Variants in MLH3 observed in about 807,000 individuals in gnomAD.
The protein encoded by MLH3 is mutL homolog 3.
A neutral mutation model predicts 122.2 loss-of-function variants in MLH3; 82 were observed. The ratio of observed to expected loss-of-function variants is 0.67; its 90% CI spans 0.56 to 0.81. The LOEUF is 0.81. Ranked by LOEUF, MLH3 falls within the 30% of genes least tolerant of loss-of-function variation. MLH3 has a pLI of 0.00. For synonymous variants in MLH3, 524 were observed against 599.5 expected (o/e 0.87, Z 1.84); for missense variants, 1,539 against 1,714.5 (o/e 0.90, Z 1.81).
Position 75,046,551 on chromosome 14 carries a change from T to C in MLH3, c.3105A>G (p.Glu1035=). ...AATCTGAACAACACGTGTTTGACTC[T>C]TCAGTTTCAGAACAAGCTCTTGCTT... is the stretch of plus-strand genomic sequence containing the variant. The part of the protein sequence containing the change: ...ESKARACSET[E]ESNTCCSDWQ... Residue 1035 remains glutamate (E), a synonymous_variant, in exon 2 of 13, where the codon GAA becomes GAG. Transcript: ENST00000355774. The C allele has an allele frequency of 6.2e-7, 1 of 1,614,210 alleles. No individual in the cohort carries two copies.
rs1892287435 is a variant in MLH3, at chr14:75,047,060, G to C, written c.2596C>G (p.Leu866Val). Residue 866 changes from leucine to valine, a missense_variant, in exon 2 of 13, where the codon CTT becomes GTT. Coordinates refer to ENST00000355774, the MANE Select transcript of MLH3 (RefSeq NM_001040108.2). ...GCTAGTGATTCAGATGACTTCTCAA[G>C]GTCCAAAGGTTTTCTATTAAAGAGA... ...LSLFNRKPLD[L>V]EKSSESLASK... is the part of the protein sequence containing the mutation. 1.2e-6 allele frequency: 2 copies of C among 1,613,982 alleles called. No individual in the cohort carries two copies. The highest frequency in any genetic ancestry group is 3.3e-5 in the Admixed American group (2 of 60,004).
intron 6 of MLH3, among the ~76,000 whole-genome samples, chr14:75,037,293 C>T (rs1891484711): frequency 6.6e-6 from 1 of 152,204 alleles, no homozygotes; most frequent in South Asian, 2.1e-4. Context: ...TCCCTGAACT[C>T]CCTGATGAAA....
At position 75,032,105 on chromosome 14, in the gene MLH3, C is replaced by G; in HGVS notation, c.3790G>C (p.Glu1264Gln). ...CTTTGTTCCTCTGTCACTGTTATCT[C>G]TAGCGGAGGAATTAGAGTAGAAGAC... is the stretch of plus-strand genomic sequence containing the variant. ...LLSSTLIPPL[E>Q]ITVTEEQRRL... Residue 1264 changes from glutamate to glutamine, a missense_variant, in exon 8 of 13, where the codon GAG becomes CAG. Glu to Gln is a conservative substitution (Grantham distance 29). Coordinates refer to ENST00000355774, the MANE Select transcript of MLH3 (RefSeq NM_001040108.2). 1 of 1,613,696 alleles carries G rather than the reference C, an allele frequency of 6.2e-7. No individual in the cohort carries two copies. The highest frequency in any genetic ancestry group is 8.5e-7 in the Non-Finnish European group (1 of 1,179,586).
intron 6 of MLH3, among the ~76,000 whole-genome samples, chr14:75,034,164 G>GC (rs1891232588): frequency 6.8e-6 from 1 of 147,618 alleles, no homozygotes; most frequent in South Asian, 2.1e-4. Flanking sequence ...CTGCACTCCA[G>GC]CCTGGTGACA....
rs1274927611 is a variant in MLH3 at position 75,040,009 on chromosome 14, C to T, written c.3472G>A (p.Val1158Ile). The change falls in exon 5 of 13, where the codon GTT (valine) becomes ATT (isoleucine). Residue 1158 changes from valine (V) to isoleucine (I), a missense_variant. Val to Ile is a conservative substitution (Grantham distance 29). Transcript: ENST00000355774. Reference sequence around the variant, plus strand: ...TCAGCCTGGCCACTGCTTACATCAACAGCAACCTAGAAAGACTCAGCAAAA... The same window carrying T: ...TCAGCCTGGCCACTGCTTACATCAATAGCAACCTAGAAAGACTCAGCAAAA... ...PVFARYPEVA[V>I]DVSSGQAESL... 1.3e-6 allele frequency: 2 copies of T among 1,563,484 alleles called. No individual in the cohort carries two copies. Among genetic ancestry groups the T allele is most frequent in the East Asian group, 2.3e-5 (1 of 44,060 alleles).
In MLH3 at chr14:75,048,819, G is replaced by A. The variant is rs149962294; in HGVS notation, c.837C>T (p.Cys279=). ...TACTGGTGGGACCATTCTTTGGCTT[G>A]CATATAATACTTTCTTTCCTTAATA... ...DFLLRKESII[C]KPKNGPTSRQ... The change falls in exon 2 of 13, where the codon TGC becomes TGT. Residue 279 remains cysteine, a synonymous_variant. Transcript: ENST00000355774. The A allele has an allele frequency of 6.1e-4, 991 of 1,614,096 alleles. 6 individuals carry two copies. The highest frequency in any genetic ancestry group is 5.3e-3 in the Middle Eastern group (32 of 6,062).
chr14:75,048,810 C>T lies in MLH3; in HGVS notation c.846G>A (p.Lys282=), dbSNP rs755128915. The change falls in exon 2 of 13, where the codon AAG becomes AAA. Residue 282 remains lysine, a synonymous_variant. Coordinates refer to ENST00000355774, the MANE Select transcript of MLH3 (RefSeq NM_001040108.2). ...LRKESIICKP[K]NGPTSRQMNS... Reference sequence around the variant, plus strand: ...TCATTTGCCTACTGGTGGGACCATTCTTTGGCTTGCATATAATACTTTCTT... The same window carrying T: ...TCATTTGCCTACTGGTGGGACCATTTTTTGGCTTGCATATAATACTTTCTT... The T allele has an allele frequency of 6.2e-7, 1 of 1,614,132 alleles. No homozygotes were observed. The highest frequency in any genetic ancestry group is 1.1e-5 in the South Asian group (1 of 91,066).
rs372913686 is a variant in MLH3, at chr14:75,038,472, C to T, written c.3571-60G>A. On this transcript the variant is annotated intron_variant, in intron 5 of 12. Transcript: ENST00000355774. Reference sequence around the variant, plus strand: ...ATAAAAATTAACAAAGGCTTATTTGCATAGAAAGATACAGAACTGTATTTT... The same window carrying T: ...ATAAAAATTAACAAAGGCTTATTTGTATAGAAAGATACAGAACTGTATTTT... 5 of 1,059,902 alleles carry T rather than the reference C, an allele frequency of 4.7e-6. No homozygotes were observed. In the African/African-American group the frequency reaches 7.8e-5, roughly 16 times the overall value. 65.7% of individuals were successfully genotyped at this position (1,059,902 alleles called of 1,614,324 possible).
At chr14:75,028,377 CCAGT>C (rs965684874) in intron 9 of MLH3, among the ~76,000 whole-genome samples, 5 of 151,728 alleles carry the variant, frequency 3.3e-5, no homozygotes, top group Admixed American at 6.6e-5. Context: ...CAACTCCCAT[CCAGT>C]CAAAGATCCA....
At chr14:75,034,191 T>TA (rs11296642) in intron 6 of MLH3, among the ~76,000 whole-genome samples, 5 of 143,680 alleles carry the variant, frequency 3.5e-5, no homozygotes, top group African/African-American at 1.0e-4. Context: ...GACTCCATCT[T>TA]AAAAAAAAAA....
intron 3 of MLH3, 104 bp from the exon 4 acceptor site, chr14:75,041,804 G>T: frequency 1.3e-6 from 1 of 787,786 alleles, no homozygotes. Flanking sequence ...CAAAGGTCAC[G>T]TACATTGTTT....
chr14:75,043,309 A>G (rs1438826882), intron 2 of MLH3, among the ~76,000 whole-genome samples: 1 of 152,228 alleles, frequency 6.6e-6, no homozygotes, highest in Non-Finnish European at 1.5e-5. Context: ...GTATGTCTCT[A>G]TCCTAACATT....
chr14:75,017,978 T>A (rs56329719), intron 12 of MLH3, among the ~76,000 whole-genome samples: 70,348 of 151,316 alleles, frequency 0.46, 18,182 homozygotes, highest in East Asian at 0.83. Flanking sequence ...AAACGCTGTC[T>A]CTACTAAAAA....
In MLH3 at chr14:75,016,948, G is replaced by T; in HGVS notation, c.*134C>A. ...TGCTCAAGAAAGACTGATACAGAGA[G>T]CCCTGCTGTCTAAGCTGCTCAGGGA... On this transcript the variant is annotated 3_prime_UTR_variant, in exon 13 of 13. Transcript: ENST00000355774. 3 of 959,142 alleles carry T rather than the reference G, an allele frequency of 3.1e-6. No individual in the cohort carries two copies. The highest frequency in any genetic ancestry group is 5.0e-6 in the Non-Finnish European group (3 of 594,222). 59.4% of individuals were successfully genotyped at this position (959,142 alleles called of 1,614,324 possible).
chr14:75,048,606 T>G lies in MLH3; in HGVS notation c.1050A>C (p.Gln350His), dbSNP rs1350248228. Residue 350 changes from glutamine (Q) to histidine (H), a missense_variant, in exon 2 of 13, where the codon CAA (glutamine) becomes CAC (histidine). Transcript: ENST00000355774. Reference protein sequence around the residue: ...IQEGVKMFLKQEKLFVELSGE... With the variant: ...IQEGVKMFLKHEKLFVELSGE... Reference sequence around the variant, plus strand: ...CTGATAATTCCACAAATAATTTTTCTTGCTTTAAAAACATTTTCACTCCTT... The same window carrying G: ...CTGATAATTCCACAAATAATTTTTCGTGCTTTAAAAACATTTTCACTCCTT... 3.7e-6 allele frequency: 6 copies of G among 1,614,070 alleles called. No individual in the cohort carries two copies. The highest frequency in any genetic ancestry group is 4.2e-6 in the Non-Finnish European group (5 of 1,180,006).
rs975722088 is a variant in MLH3 at position 75,049,619 on chromosome 14, A to G, written c.37T>C (p.Leu13=). The G allele has an allele frequency of 1.1e-5, 18 of 1,614,048 alleles. No homozygotes were observed. Among genetic ancestry groups the G allele is most frequent in the Non-Finnish European group, 1.4e-5 (17 of 1,180,022 alleles). Residue 13 remains leucine (L), a synonymous_variant, in exon 2 of 13, where the codon TTG becomes CTG. Transcript: ENST00000355774. ...KCLSVEVQAK[L]RSGLAISSLG... The stretch of plus-strand genomic sequence containing the variant: ...GAGCTTATGGCCAAACCAGAACGCA[A>G]TTTGGCTTGTACTTCAACTGACAAG...
intron 11 of MLH3, chr14:75,020,907 C>T (rs1447663100): frequency 6.6e-6 from 1 of 151,900 alleles, no homozygotes; most frequent in Non-Finnish European, 1.5e-5. Flanking sequence ...GATGGAGTCT[C>T]ACTCTGTCAC....
chr14:75,019,181 G>A, intron 11 of MLH3: 1 of 553,818 alleles, frequency 1.8e-6, no homozygotes, highest in Non-Finnish European at 3.2e-6. Flanking sequence ...GGAGGCTGAG[G>A]CGGGCAGATC....
chr14:75,051,303 A>T (rs555192420), intron 1 of MLH3, 77 bp downstream of exon 1: 1 of 152,158 alleles, frequency 6.6e-6, no homozygotes, highest in East Asian at 1.9e-4. Context: ...AGCTGCGCGC[A>T]GCCATCATCA....
Sources: allele counts gnomAD v4.1 joint callset (sites outside exome capture counted in the v4.1 genomes callset), GRCh38; gene constraint gnomAD v4.1.1; transcripts MANE v1.5; gene names NCBI Gene and HGNC (gene_info 2026-07-23, HGNC 2026-07-21).